ZNF483: variants seen among roughly 807,000 people sequenced by gnomAD.
The protein encoded by ZNF483 is zinc finger protein HIT-10.
Under a neutral mutation model 28.6 loss-of-function variants are expected in ZNF483, and 9 were observed. That is an observed-to-expected ratio of 0.32 (90% confidence interval 0.19 to 0.55). The LOEUF is 0.55. Among genes scored for constraint, ZNF483 ranks in the 20% least tolerant of loss-of-function variants. The pLI is 0.93. For synonymous variants in ZNF483, 322 were observed against 306.2 expected (o/e 1.05, Z -0.54); for missense variants, 675 against 871.7 (o/e 0.77, Z 2.84).
At chr9:111,564,549 G>T (rs1041071097) in intron 5 of ZNF483, among the ~76,000 whole-genome samples, 1 of 151,426 alleles carries the variant, frequency 6.6e-6, no homozygotes. Context: ...CAAGTGATCC[G>T]CCCACCTCAG....
chr9:111,557,039 G>C (rs76404391), downstream of ZNF483, among the ~76,000 whole-genome samples: 6,351 of 152,290 alleles, frequency 0.042, 168 homozygotes, highest in South Asian at 0.057. Context: ...TGATGGAAAG[G>C]GCTGCCGCGA....
At chr9:111,578,131 A>T (rs79483630), downstream of ZNF483, among the ~76,000 whole-genome samples, 206 of 152,276 alleles carry the variant, frequency 1.4e-3, 2 homozygotes, top group East Asian at 3.1e-3. Context: ...GCTGTTTTTT[A>T]AAAAAGGCAT....
Position 111,548,146 on chromosome 9 carries a change from G to A in ZNF483, c.*4976G>A, listed in dbSNP as rs1827847394. 6.6e-6 allele frequency among the ~76,000 whole-genome samples: 1 copy of A among 152,116 alleles called. No homozygotes were observed. The highest frequency in any genetic ancestry group is 2.1e-4 in the South Asian group (1 of 4,828). ...GTTTTGGCTATTTGGGGGTCCTTAA[G>A]ATTTCAAATGAATTTTAGGATGGTT... On this transcript the variant is annotated 3_prime_UTR_variant, in exon 6 of 6. Transcript: ENST00000309235.
chr9:111,540,308 A>G (rs2132252966), intron 5 of ZNF483, among the ~76,000 whole-genome samples: 1 of 152,332 alleles, frequency 6.6e-6, no homozygotes, highest in East Asian at 1.9e-4. Flanking sequence ...GCCATTAGTT[A>G]ACTTCTAGGT....
downstream of ZNF483, among the ~76,000 whole-genome samples, chr9:111,556,429 C>T (rs886734482): frequency 6.6e-6 from 1 of 152,238 alleles, no homozygotes; most frequent in Non-Finnish European, 1.5e-5. Context: ...GGGGCTCCAT[C>T]CCCATGTTAT....
Position 111,545,911 on chromosome 9 carries a change from G to C in ZNF483, c.*2741G>C, listed in dbSNP as rs181292577. On this transcript the variant is annotated 3_prime_UTR_variant, in exon 6 of 6. Transcript: ENST00000309235. The stretch of plus-strand genomic sequence containing the variant: ...TGTGGACATGTTTTCATTTTTCTTA[G>C]GCAGATGCCTGAGGGGAGTTGCTAG... Among the ~76,000 whole-genome samples, 36 of 152,182 alleles carry C rather than the reference G, an allele frequency of 2.4e-4. No individual in the cohort carries two copies. Among genetic ancestry groups the C allele is most frequent in the Middle Eastern group, 6.8e-3 (2 of 294 alleles).
chr9:111,571,097 T>G lies in ZNF483; in HGVS notation c.722-5268T>G, dbSNP rs62569888. 2.1e-4 allele frequency among the ~76,000 whole-genome samples: 32 copies of G among 150,452 alleles called. 4 individuals carry two copies. Among genetic ancestry groups the G allele is most frequent in the Non-Finnish European group, 4.6e-4 (31 of 67,594 alleles). ...ATGCAGCCCTGCCAACCCATTTTAC[T>G]TTTAACCTCTAGACCTACAAGAATA... On this transcript the variant is annotated intron_variant, in intron 5 of 5. Transcript: ENST00000358151.
At chr9:111,534,158 G>T in intron 4 of ZNF483, 103 bp from the exon 5 acceptor site, 3 of 1,006,214 alleles carry the variant, frequency 3.0e-6, no homozygotes, top group Non-Finnish European at 4.5e-6. Context: ...TATTTTGGTA[G>T]CATGTTTTTA....
At chr9:111,541,019 T>C (rs1053694199) in intron 5 of ZNF483, among the ~76,000 whole-genome samples, 1 of 152,122 alleles carries the variant, frequency 6.6e-6, no homozygotes, top group Admixed American at 6.6e-5. Flanking sequence ...TTGGTAAATA[T>C]TCAACAAATG....
At chr9:111,535,991 A>G (rs1231974187) in intron 5 of ZNF483, among the ~76,000 whole-genome samples, 3 of 147,194 alleles carry the variant, frequency 2.0e-5, no homozygotes, top group East Asian at 2.0e-4. Context: ...GGTTCAAGCA[A>G]TTCTCTCCTG....
chr9:111,567,458 T>C (rs1414141839), intron 5 of ZNF483, among the ~76,000 whole-genome samples: 1 of 152,176 alleles, frequency 6.6e-6, no homozygotes, highest in African/African-American at 2.4e-5. Flanking sequence ...GTGCTGGGAT[T>C]ACAAGTGTGA....
chr9:111,533,844 C>T lies in ZNF483; in HGVS notation c.607C>T (p.Leu203Phe). Residue 203 changes from leucine to phenylalanine, a missense_variant, in exon 4 of 6, where the codon CTC becomes TTC. This residue lies in a region of ZNF483 where 525 missense variants were observed against 581.8 expected (regional missense o/e 0.90). Coordinates refer to ENST00000309235, the MANE Select transcript of ZNF483 (RefSeq NM_133464.5). ...ATATAAGGAAGTGCTACTGGAAAACCTCAGGAACCTAGAATTTCTGGGTAA... is the reference window on the plus strand; with the variant it reads ...ATATAAGGAAGTGCTACTGGAAAACTTCAGGAACCTAGAATTTCTGGGTAA... ...ELYKEVLLENLRNLEFLDFPV... is the reference protein window; with the variant it reads ...ELYKEVLLENFRNLEFLDFPV... 1 of 1,589,732 alleles carries T rather than the reference C, an allele frequency of 6.3e-7. No individual in the cohort carries two copies.
rs774013590 is a variant in ZNF483 at position 111,527,405 on chromosome 9, G to A, written c.10G>A (p.Val4Ile). 2 of 1,613,390 alleles carry A rather than the reference G, an allele frequency of 1.2e-6. No homozygotes were observed. Among genetic ancestry groups the A allele is most frequent in the Non-Finnish European group, 1.7e-6 (2 of 1,179,930 alleles). ...CTGCCCCTGAGACACAATGCAAGCT[G>A]TAGTGCCCTTGAACAAGATGACAGC... The part of the protein sequence containing the change: MQA[V>I]VPLNKMTAIS... Residue 4 changes from valine to isoleucine, a missense_variant, in exon 2 of 6, where the codon GTA becomes ATA. By Grantham distance (29) the Val-to-Ile change is conservative. Coordinates refer to ENST00000309235, the MANE Select transcript of ZNF483 (RefSeq NM_133464.5).
intron 5 of ZNF483, among the ~76,000 whole-genome samples, chr9:111,538,599 T>C (rs75034119): frequency 1.1e-4 from 16 of 152,214 alleles, no homozygotes; most frequent in African/African-American, 3.9e-4. Context: ...TTTTATCATA[T>C]TTAAGTAGCA....
Position 111,541,994 on chromosome 9 carries a change from C to A in ZNF483, c.1059C>A (p.Thr353=), listed in dbSNP as rs552243051. 2 of 1,613,854 alleles carry A rather than the reference C, an allele frequency of 1.2e-6. No homozygotes were observed. The highest frequency in any genetic ancestry group is 2.7e-5 in the African/African-American group (2 of 74,900). Residue 353 remains threonine (T), a synonymous_variant, in exon 6 of 6, where the codon ACC becomes ACA. Coordinates refer to ENST00000309235, the MANE Select transcript of ZNF483 (RefSeq NM_133464.5). ...SDLVLNRKEK[T]AGEKSRKSND... ...TTGTTCTGAACCGCAAGGAGAAAAC[C>A]GCCGGAGAAAAGTCACGGAAATCTA...
At position 111,546,876 on chromosome 9, in the gene ZNF483, C is replaced by G. The variant is rs535156435; in HGVS notation, c.*3706C>G. Among the ~76,000 whole-genome samples, 1 of 152,108 alleles carries G rather than the reference C, an allele frequency of 6.6e-6. No individual in the cohort carries two copies. Among genetic ancestry groups the G allele is most frequent in the Non-Finnish European group, 1.5e-5 (1 of 67,986 alleles). On this transcript the variant is annotated 3_prime_UTR_variant, in exon 6 of 6. Transcript: ENST00000309235. ...CCTCAGGCTCCTGGTAACCACTGTTCTACTTCCTGTCTGTACAAATTTGAC... is the reference window on the plus strand; with the variant it reads ...CCTCAGGCTCCTGGTAACCACTGTTGTACTTCCTGTCTGTACAAATTTGAC...
intron 3 of ZNF483, among the ~76,000 whole-genome samples, chr9:111,532,276 A>T (rs1827367189): frequency 6.6e-6 from 1 of 152,168 alleles, no homozygotes; most frequent in East Asian, 1.9e-4. Flanking sequence ...GGCTGCAGTG[A>T]GCTATGATTA....
chr9:111,561,141 GA>G (rs1828297822), intron 5 of ZNF483, among the ~76,000 whole-genome samples: 2 of 41,980 alleles, frequency 4.8e-5, no homozygotes, highest in East Asian at 1.2e-3. Flanking sequence ...AGAGAGAGGA[GA>G]GAGAGGGAGA....
In ZNF483 at chr9:111,554,325, C is replaced by T. The variant is rs767994680; in HGVS notation, c.*11155C>T. Among the ~76,000 whole-genome samples, 1 of 152,302 alleles carries T rather than the reference C, an allele frequency of 6.6e-6. No individual in the cohort carries two copies. Among genetic ancestry groups the T allele is most frequent in the Non-Finnish European group, 1.5e-5 (1 of 68,010 alleles). On this transcript the variant is annotated 3_prime_UTR_variant, in exon 6 of 6. Coordinates refer to ENST00000309235, the MANE Select transcript of ZNF483 (RefSeq NM_133464.5). ...GTCTTAGAAGTCACTTCTACTCTTC[C>T]GTTGCCCAGAGATCAATCATATAAC... is the stretch of plus-strand genomic sequence containing the variant.
Sources: gnomAD v4.1 joint callset for allele counts (sites outside exome capture counted in the v4.1 genomes callset) on GRCh38, gnomAD v4.1.1 for gene constraint, gnomAD v4.1.1 regional missense constraint, MANE v1.5 for transcripts, NCBI Gene and HGNC (gene_info 2026-07-23, HGNC 2026-07-21) for gene names.